SRBD1: variants seen among roughly 807,000 people sequenced by gnomAD.
SRBD1 encodes the protein S1 RNA binding domain 1.
Under a neutral mutation model 115.3 loss-of-function variants are expected in SRBD1, and 88 were observed. The ratio of observed to expected loss-of-function variants is 0.76; its 90% CI spans 0.64 to 0.91. The LOEUF (loss-of-function observed/expected upper bound fraction) is 0.91, where lower values mean the gene tolerates loss of function less well. Ranked by LOEUF, SRBD1 falls within the 40% of genes least tolerant of loss-of-function variation. SRBD1 has a pLI of 0.00. For missense variants in SRBD1, 1,385 were observed against 1,177.4 expected (o/e 1.18, Z -2.58); for synonymous variants, 509 against 407.7 (o/e 1.25, Z -2.99).
At chr2:45,412,569 T>C (rs981005580) in intron 19 of SRBD1, among the ~76,000 whole-genome samples, 2 of 152,172 alleles carry the variant, frequency 1.3e-5, no homozygotes, top group Admixed American at 1.3e-4. Flanking sequence ...TTTGAACTAA[T>C]TAAAAAAATT....
chr2:45,542,017 C>T (rs566221980), intron 14 of SRBD1, among the ~76,000 whole-genome samples: 62 of 152,346 alleles, frequency 4.1e-4, no homozygotes, highest in African/African-American at 1.5e-3. Context: ...TTCACTGAGA[C>T]CTGCCCCTTG....
chr2:45,593,570 A>G (rs931372202), intron 4 of SRBD1, among the ~76,000 whole-genome samples: 5 of 152,234 alleles, frequency 3.3e-5, no homozygotes, highest in Non-Finnish European at 1.5e-5. Context: ...CTCAGTTAAA[A>G]AGAAAACATC....
intron 19 of SRBD1, among the ~76,000 whole-genome samples, chr2:45,401,152 A>G (rs1667282062): frequency 6.6e-6 from 1 of 152,182 alleles, no homozygotes; most frequent in South Asian, 2.1e-4. Context: ...TTAACTACTA[A>G]CAACAACACA....
chr2:45,585,168 G>C (rs1331821296), intron 5 of SRBD1, among the ~76,000 whole-genome samples: 1 of 151,802 alleles, frequency 6.6e-6, no homozygotes, highest in Non-Finnish European at 1.5e-5. Context: ...AAAAAAGATG[G>C]GAAAAGGAAA....
intron 14 of SRBD1, among the ~76,000 whole-genome samples, chr2:45,538,403 A>G (rs1344392073): frequency 6.6e-6 from 1 of 152,232 alleles, no homozygotes; most frequent in Admixed American, 6.5e-5. Flanking sequence ...AGAATAACAA[A>G]GAGGAAAAGA....
At chr2:45,479,674 A>C (rs1459583732) in intron 15 of SRBD1, among the ~76,000 whole-genome samples, 2 of 152,240 alleles carry the variant, frequency 1.3e-5, no homozygotes, top group African/African-American at 4.8e-5. Flanking sequence ...TACAAGGTGA[A>C]ACAGCAATTG....
intron 17 of SRBD1, among the ~76,000 whole-genome samples, chr2:45,419,102 C>T (rs1025109217): frequency 2.0e-5 from 3 of 152,140 alleles, no homozygotes; most frequent in Non-Finnish European, 2.9e-5. Flanking sequence ...AGAATCTCAA[C>T]TCTATTATAA....
At chr2:45,550,997 C>T in intron 12 of SRBD1, 128 bp downstream of exon 12, 17 of 1,065,972 alleles carry the variant, frequency 1.6e-5, no homozygotes, top group Non-Finnish European at 2.2e-5. Context: ...CCCAACACCC[C>T]TGTATGTGAG....
intron 16 of SRBD1, among the ~76,000 whole-genome samples, chr2:45,459,486 A>C (rs531611525): frequency 6.6e-6 from 1 of 152,240 alleles, no homozygotes; most frequent in Non-Finnish European, 1.5e-5. Context: ...GAACTAAATG[A>C]CCTTGAGGGT....
intron 9 of SRBD1, among the ~76,000 whole-genome samples, chr2:45,566,323 T>C (rs781369206): frequency 3.3e-5 from 5 of 152,186 alleles, no homozygotes; most frequent in Non-Finnish European, 7.3e-5. Flanking sequence ...CACTGACTGA[T>C]GAATGGATAA....
At chr2:45,503,474 T>C (rs991324435) in intron 14 of SRBD1, among the ~76,000 whole-genome samples, 2 of 152,212 alleles carry the variant, frequency 1.3e-5, no homozygotes, top group Admixed American at 6.5e-5. Flanking sequence ...GTAAAGATTA[T>C]AGAGAACAAG....
chr2:45,502,266 G>A (rs1469712808), intron 14 of SRBD1, among the ~76,000 whole-genome samples: 1 of 152,160 alleles, frequency 6.6e-6, no homozygotes, highest in Non-Finnish European at 1.5e-5. Context: ...AAGACAGTGT[G>A]GTGATTCCTC....
At chr2:45,466,051 G>C (rs1572671450) in intron 16 of SRBD1, among the ~76,000 whole-genome samples, 1 of 152,160 alleles carries the variant, frequency 6.6e-6, no homozygotes, top group Non-Finnish European at 1.5e-5. Flanking sequence ...GAAGATACAA[G>C]AAGTGGAAAC....
At chr2:45,531,970 C>T (rs1420439103) in intron 14 of SRBD1, among the ~76,000 whole-genome samples, 1 of 151,770 alleles carries the variant, frequency 6.6e-6, no homozygotes, top group East Asian at 1.9e-4. Flanking sequence ...TTTTCTTTGG[C>T]CACCCTCTTC....
At chr2:45,576,861 A>G (rs1430645706) in intron 7 of SRBD1, among the ~76,000 whole-genome samples, 4 of 152,350 alleles carry the variant, frequency 2.6e-5, no homozygotes, top group Non-Finnish European at 5.9e-5. Context: ...AGACTTTGCA[A>G]TAAGAAAGGG....
At chr2:45,443,410 A>G (rs137933064) in intron 16 of SRBD1, among the ~76,000 whole-genome samples, 26 of 152,308 alleles carry the variant, frequency 1.7e-4, no homozygotes, top group African/African-American at 6.3e-4. Flanking sequence ...ATTAATAGAA[A>G]CAGGGAAGGA....
intron 14 of SRBD1, among the ~76,000 whole-genome samples, chr2:45,526,184 A>G (rs1054978819): frequency 1.3e-4 from 20 of 152,100 alleles, no homozygotes; most frequent in African/African-American, 4.6e-4. Flanking sequence ...CATAACAGCC[A>G]AAGAGTGGAA....
intron 1 of SRBD1, among the ~76,000 whole-genome samples, chr2:45,610,315 G>T (rs772740038): frequency 6.6e-6 from 1 of 152,108 alleles, no homozygotes; most frequent in Non-Finnish European, 1.5e-5. Flanking sequence ...AAACAAAGGA[G>T]GACAATTTCT....
chr2:45,594,936 T>G (rs1174221732), intron 4 of SRBD1, among the ~76,000 whole-genome samples: 1 of 152,244 alleles, frequency 6.6e-6, no homozygotes, highest in Non-Finnish European at 1.5e-5. Context: ...CTTCATTTTA[T>G]CTGTTATTTT....
Sources: allele counts gnomAD v4.1 joint callset (sites outside exome capture counted in the v4.1 genomes callset), GRCh38; gene constraint gnomAD v4.1.1; transcripts MANE v1.5; gene names NCBI Gene and HGNC (gene_info 2026-07-23, HGNC 2026-07-21).